The following LHFPL6 variants were observed in gnomAD, a reference collection of about 807,000 sequenced individuals.
LHFPL6 encodes LHFPL tetraspan subfamily member 6.
LHFPL6 carries 9 observed loss-of-function variants against 20.6 expected under a neutral mutation model. The observed-to-expected ratio is 0.44, with a 90% CI of 0.26 to 0.76. The LOEUF is 0.76. Ranked by LOEUF, LHFPL6 falls within the 30% of genes least tolerant of loss-of-function variation. LHFPL6 has a pLI of 0.20. For missense variants in LHFPL6, 218 were observed against 253.5 expected (o/e 0.86, Z 0.95); for synonymous variants, 105 against 98.7 (o/e 1.06, Z -0.38).
intron 2 of LHFPL6, among the ~76,000 whole-genome samples, chr13:39,498,844 G>C (rs1013931910): frequency 6.6e-6 from 1 of 152,124 alleles, no homozygotes; most frequent in Non-Finnish European, 1.5e-5. Flanking sequence ...GTGAGGCTTT[G>C]CCTTTTCCCC....
chr13:39,392,463 A>G (rs1870734632), intron 2 of LHFPL6, among the ~76,000 whole-genome samples: 1 of 152,060 alleles, frequency 6.6e-6, no homozygotes, highest in Admixed American at 6.6e-5. Context: ...GTATGGTGGC[A>G]GGCACCTGTA....
intron 3 of LHFPL6, among the ~76,000 whole-genome samples, chr13:39,365,260 T>C (rs1869982339): frequency 6.6e-6 from 1 of 152,136 alleles, no homozygotes; most frequent in Non-Finnish European, 1.5e-5. Context: ...GGTGCTGCAT[T>C]TCCTCGTGAT....
intron 3 of LHFPL6, among the ~76,000 whole-genome samples, chr13:39,350,888 G>A (rs1026054664): frequency 1.3e-5 from 2 of 152,170 alleles, no homozygotes; most frequent in Non-Finnish European, 2.9e-5. Flanking sequence ...GATTTCTTAC[G>A]GTGGCTCAAA....
intron 2 of LHFPL6, among the ~76,000 whole-genome samples, chr13:39,483,792 T>G (rs1868620532): frequency 6.6e-6 from 1 of 152,174 alleles, no homozygotes; most frequent in East Asian, 1.9e-4. Context: ...CACTTGCTTG[T>G]GATTATCTGC....
intron 2 of LHFPL6, among the ~76,000 whole-genome samples, chr13:39,454,078 T>C (rs1872513699): frequency 6.6e-6 from 1 of 152,210 alleles, no homozygotes. Context: ...CCCTTCATAC[T>C]TGGGGATAAT....
intron 2 of LHFPL6, among the ~76,000 whole-genome samples, chr13:39,585,779 T>A (rs569564463): frequency 6.6e-6 from 1 of 152,310 alleles, no homozygotes; most frequent in Non-Finnish European, 1.5e-5. Context: ...GCTGCCTGAT[T>A]AGAGAATCAT....
At chr13:39,361,991 A>G (rs1869885203) in intron 3 of LHFPL6, among the ~76,000 whole-genome samples, 1 of 152,244 alleles carries the variant, frequency 6.6e-6, no homozygotes, top group African/African-American at 2.4e-5. Context: ...TCCAGGTGAA[A>G]GGAATATAGG....
At chr13:39,400,054 C>T (rs1175912) in intron 2 of LHFPL6, among the ~76,000 whole-genome samples, 138,091 of 152,170 alleles carry the variant, frequency 0.91, 62,813 homozygotes, top group African/African-American at 0.97. Flanking sequence ...GATCGCACCA[C>T]TGCACTCCAG....
chr13:39,354,485 G>A (rs1869674852), intron 3 of LHFPL6, among the ~76,000 whole-genome samples: 1 of 152,176 alleles, frequency 6.6e-6, no homozygotes, highest in Non-Finnish European at 1.5e-5. Context: ...AAGTCAGAGG[G>A]TCTCCTTACT....
chr13:39,462,660 A>T (rs1201094201), intron 2 of LHFPL6, among the ~76,000 whole-genome samples: 3 of 149,012 alleles, frequency 2.0e-5, no homozygotes, highest in African/African-American at 7.7e-5. Flanking sequence ...GGCAGTGGAC[A>T]TTCCTGTCTC....
chr13:39,426,956 A>G (rs995454229), intron 2 of LHFPL6, among the ~76,000 whole-genome samples: 4 of 151,932 alleles, frequency 2.6e-5, no homozygotes, highest in Non-Finnish European at 4.4e-5. Context: ...TATGGATCAA[A>G]TTTCATTTTG....
chr13:39,594,402 C>A (rs896292489), intron 2 of LHFPL6, among the ~76,000 whole-genome samples: 14 of 152,178 alleles, frequency 9.2e-5, no homozygotes, highest in Non-Finnish European at 1.6e-4. Flanking sequence ...AAATGCAAAT[C>A]AAAACCACAA....
intron 2 of LHFPL6, among the ~76,000 whole-genome samples, chr13:39,436,595 TC>T (rs758213118): frequency 2.0e-5 from 3 of 152,178 alleles, no homozygotes; most frequent in Admixed American, 6.5e-5. Context: ...ACCTTCTAGT[TC>T]CTACCAATAC....
intron 2 of LHFPL6, among the ~76,000 whole-genome samples, chr13:39,499,929 C>T (rs777402412): frequency 2.0e-5 from 3 of 152,206 alleles, no homozygotes; most frequent in Non-Finnish European, 1.5e-5. Context: ...ACATGACACT[C>T]TTACTTGAGA....
At chr13:39,495,423 T>G (rs1869065302) in intron 2 of LHFPL6, among the ~76,000 whole-genome samples, 1 of 152,210 alleles carries the variant, frequency 6.6e-6, no homozygotes, top group Non-Finnish European at 1.5e-5. Context: ...ATACCTTTCA[T>G]TTGTATTGTA....
At chr13:39,357,660 C>CA (rs1195800286) in intron 3 of LHFPL6, among the ~76,000 whole-genome samples, 1 of 152,136 alleles carries the variant, frequency 6.6e-6, no homozygotes, top group African/African-American at 2.4e-5. Context: ...GTTCAGGATA[C>CA]AAAATCAATG....
chr13:39,570,764 T>A (rs773981027), intron 2 of LHFPL6, among the ~76,000 whole-genome samples: 1 of 152,162 alleles, frequency 6.6e-6, no homozygotes, highest in South Asian at 2.1e-4. Context: ...AGTGTGTGCA[T>A]GTGAGTGCGT....
At chr13:39,461,282 G>A (rs934450996) in intron 2 of LHFPL6, among the ~76,000 whole-genome samples, 4 of 152,118 alleles carry the variant, frequency 2.6e-5, no homozygotes, top group Non-Finnish European at 5.9e-5. Context: ...ATTGCGAATA[G>A]TACTGTGATG....
chr13:39,505,030 T>C (rs1331256127), intron 2 of LHFPL6, among the ~76,000 whole-genome samples: 1 of 152,224 alleles, frequency 6.6e-6, no homozygotes, highest in Non-Finnish European at 1.5e-5. Context: ...GACTTGTATG[T>C]TCCCCCAAAG....
Sources: allele counts gnomAD v4.1 joint callset (sites outside exome capture counted in the v4.1 genomes callset), GRCh38; gene constraint gnomAD v4.1.1; transcripts MANE v1.5; gene names NCBI Gene and HGNC (gene_info 2026-07-23, HGNC 2026-07-21).